ANO10: variants seen among roughly 807,000 people sequenced by gnomAD.
ANO10 encodes anoctamin 10.
In ANO10, 77 loss-of-function variants were observed where a neutral mutation model predicts 74.7. That is an observed-to-expected ratio of 1.03 (90% CI 0.86 to 1.25). ANO10 has a LOEUF of 1.25. Ranked by LOEUF, ANO10 falls within the 50% of genes most tolerant of loss-of-function variation. The pLI, the probability that ANO10 is intolerant of heterozygous loss-of-function variation, is 0.00. For synonymous variants in ANO10, 279 were observed against 284.9 expected, an observed-to-expected ratio of 0.98 and a Z score of 0.21; for missense variants, 721 against 778.1, an observed-to-expected ratio of 0.93 and a Z score of 0.87.
At chr3:43,429,902 A>G (rs1162091476) in intron 12 of ANO10, among the ~76,000 whole-genome samples, 2 of 152,102 alleles carry the variant, frequency 1.3e-5, no homozygotes, top group Non-Finnish European at 2.9e-5. Context: ...CCATTACCCT[A>G]GTAAGGTTTG....
chr3:43,578,678 A>C (rs1257666132), intron 5 of ANO10, among the ~76,000 whole-genome samples: 1 of 141,810 alleles, frequency 7.1e-6, no homozygotes, highest in Non-Finnish European at 1.5e-5. Flanking sequence ...TGAACCTGGG[A>C]AGTGGAGATT....
intron 1 of ANO10, chr3:43,691,260 T>G: frequency 2.6e-6 from 1 of 385,774 alleles, no homozygotes. Flanking sequence ...CCGAGGTGTC[T>G]GAGCCGGACT....
chr3:43,487,813 T>C (rs1251039704), intron 11 of ANO10, among the ~76,000 whole-genome samples: 2 of 152,112 alleles, frequency 1.3e-5, no homozygotes, highest in Non-Finnish European at 2.9e-5. Context: ...CTCTATTTCC[T>C]TCAGTTCAAA....
intron 11 of ANO10, among the ~76,000 whole-genome samples, chr3:43,457,134 G>T (rs2075164224): frequency 6.6e-6 from 1 of 152,090 alleles, no homozygotes; most frequent in African/African-American, 2.4e-5. Flanking sequence ...TAAAGTCAGG[G>T]AGGAAACTAG....
At chr3:43,491,252 G>A (rs1262612558) in intron 11 of ANO10, among the ~76,000 whole-genome samples, 1 of 152,150 alleles carries the variant, frequency 6.6e-6, no homozygotes, top group Non-Finnish European at 1.5e-5. Flanking sequence ...GTGGCCTCAT[G>A]CCTGTAATCC....
rs149376661 is a variant in ANO10 at position 43,522,059 on chromosome 3, T to C, written c.1797+27661A>G. Among the ~76,000 whole-genome samples, 835 of 152,272 alleles carry C rather than the reference T, an allele frequency of 5.5e-3. 6 individuals are homozygous for C. The highest frequency in any genetic ancestry group is 0.019 in the African/African-American group (803 of 41,546). On this transcript the variant is annotated intron_variant, in intron 11 of 12. Transcript: ENST00000292246. Reference sequence around the variant, plus strand: ...CCAGACACAAAGGGACAAATAAATGTATTATTTTCTTTACATGAAATGTCT... The same window carrying C: ...CCAGACACAAAGGGACAAATAAATGCATTATTTTCTTTACATGAAATGTCT...
At chr3:43,655,712 CTAGA>C (rs1275492236) in intron 1 of ANO10, among the ~76,000 whole-genome samples, 3 of 152,196 alleles carry the variant, frequency 2.0e-5, no homozygotes, top group Non-Finnish European at 4.4e-5. Flanking sequence ...ACCAGAGCAG[CTAGA>C]TAGAGTGTTG....
At position 43,651,791 on chromosome 3, in the gene ANO10, T is replaced by TACTGGTACCACTGTACC. The variant is rs1275049299; in HGVS notation, c.-12+39725_-12+39726insGGTACAGTGGTACCAGT. 2.6e-5 allele frequency among the ~76,000 whole-genome samples: 4 copies of TACTGGTACCACTGTACC among 152,326 alleles called. No homozygotes were observed. In the South Asian group the frequency reaches 8.3e-4, roughly 32 times the overall value. ...GGTTCTATTTTGTACCAGTGTTTTTTAGTGATTAATACTTAGTTCAATCAA... is the reference window on the plus strand; with the variant it reads ...GGTTCTATTTTGTACCAGTGTTTTTTACTGGTACCACTGTACCAGTGATTAATACTTAGTTCAATCAA... On this transcript the variant is annotated intron_variant, in intron 1 of 3. Transcript: ENST00000413397.
At chr3:43,485,347 A>G in intron 11 of ANO10, 1 of 493,078 alleles carries the variant, frequency 2.0e-6, no homozygotes, top group Non-Finnish European at 3.7e-6. Context: ...TGTGCTCCCC[A>G]TCCAGGGAGG....
At chr3:43,549,077 A>G (rs1399210788) in intron 11 of ANO10, among the ~76,000 whole-genome samples, 1 of 149,282 alleles carries the variant, frequency 6.7e-6, no homozygotes, top group Admixed American at 6.8e-5. Flanking sequence ...AAAAATACAT[A>G]TTAAATGTAT....
At chr3:43,381,839 T>C (rs183719213) in intron 12 of ANO10, among the ~76,000 whole-genome samples, 29 of 152,056 alleles carry the variant, frequency 1.9e-4, no homozygotes, top group African/African-American at 7.0e-4. Flanking sequence ...TCTCAACAAA[T>C]ATAAGAAAAT....
At chr3:43,536,676 T>G in intron 11 of ANO10, among the ~76,000 whole-genome samples, 3 of 152,220 alleles carry the variant, frequency 2.0e-5, no homozygotes, top group Middle Eastern at 6.8e-3. Flanking sequence ...TGCCTAAAAA[T>G]TCAATTATAA....
chr3:43,380,872 G>A (rs990090829), intron 12 of ANO10, among the ~76,000 whole-genome samples: 3 of 152,156 alleles, frequency 2.0e-5, no homozygotes, highest in Non-Finnish European at 2.9e-5. Flanking sequence ...CCGTTCTCAC[G>A]CTGCTATGAA....
intron 11 of ANO10, among the ~76,000 whole-genome samples, chr3:43,478,398 AACC>A (rs2076152829): frequency 6.6e-6 from 1 of 152,220 alleles, no homozygotes; most frequent in Non-Finnish European, 1.5e-5. Context: ...TAGGGACTTT[AACC>A]ACCCATTTTA....
intron 11 of ANO10, among the ~76,000 whole-genome samples, chr3:43,457,989 A>G (rs1179485743): frequency 6.6e-6 from 1 of 151,948 alleles, no homozygotes; most frequent in Non-Finnish European, 1.5e-5. Context: ...GGGATCTTGG[A>G]ATAATCACTT....
intron 11 of ANO10, among the ~76,000 whole-genome samples, chr3:43,468,887 C>T (rs1451524476): frequency 2.0e-5 from 3 of 150,984 alleles, no homozygotes; most frequent in African/African-American, 7.3e-5. Flanking sequence ...AGTTTTTGTA[C>T]TTTTAGTAGA....
intron 1 of ANO10, chr3:43,690,710 G>C (rs539200331): frequency 2.5e-6 from 1 of 395,854 alleles, no homozygotes; most frequent in African/African-American, 2.1e-5. Flanking sequence ...AACTCATTCG[G>C]GTGAGTCTCG....
rs114766097 is a variant in ANO10, at chr3:43,530,721, G to C, written c.1797+18999C>G. ...TTATAATGATTGTTCTACTATTGTT[G>C]TTAATATCTTACTGTCTCTAATTTA... On this transcript the variant is annotated intron_variant, in intron 11 of 12. Transcript: ENST00000292246. 9.3e-3 allele frequency among the ~76,000 whole-genome samples: 1,418 copies of C among 152,110 alleles called. 15 individuals carry two copies. The highest frequency in any genetic ancestry group is 0.016 in the Non-Finnish European group (1,058 of 68,000).
chr3:43,431,620 T>A (rs1053285380), intron 12 of ANO10, among the ~76,000 whole-genome samples: 2 of 152,046 alleles, frequency 1.3e-5, no homozygotes. Context: ...CCTCTAGGAA[T>A]GCAGGTAACT....
Sources: allele counts gnomAD v4.1 joint callset (sites outside exome capture counted in the v4.1 genomes callset), GRCh38; gene constraint gnomAD v4.1.1; transcripts MANE v1.5; gene names NCBI Gene and HGNC (gene_info 2026-07-23, HGNC 2026-07-21).